Variants in CSMD1 observed in about 807,000 individuals in gnomAD.
CSMD1 encodes CUB and sushi domain-containing protein 1.
CSMD1 carries 213 observed loss-of-function variants against 417.5 expected under a neutral mutation model. The observed-to-expected ratio is 0.51, with a 90% CI of 0.46 to 0.57. The LOEUF (loss-of-function observed/expected upper bound fraction) is 0.57, where lower values mean the gene tolerates loss of function less well. CSMD1 is among the 20% of genes least tolerant of loss of function. The pLI is 0.00. For missense variants in CSMD1, 6,923 were observed against 4,529.7 expected, an observed-to-expected ratio of 1.53 and a Z score of -15.17; for synonymous variants, 2,862 against 1,736.8, an observed-to-expected ratio of 1.65 and a Z score of -16.11.
intron 4 of CSMD1, among the ~76,000 whole-genome samples, chr8:4,013,395 G>T (rs1369218899): frequency 6.6e-6 from 1 of 152,076 alleles, no homozygotes. Flanking sequence ...TTCTCGCAGG[G>T]CTCACTCTGT....
intron 1 of CSMD1, among the ~76,000 whole-genome samples, chr8:4,726,421 C>T (rs1426755419): frequency 6.6e-6 from 1 of 152,072 alleles, no homozygotes; most frequent in Non-Finnish European, 1.5e-5. Flanking sequence ...GTGTAGTTCA[C>T]AGAATTTGTT....
chr8:4,056,326 A>T (rs1052167316), intron 3 of CSMD1, among the ~76,000 whole-genome samples: 1 of 148,518 alleles, frequency 6.7e-6, no homozygotes, highest in Non-Finnish European at 1.5e-5. Context: ...TAGGTGATCC[A>T]CCCGCGTCAG....
intron 37 of CSMD1, among the ~76,000 whole-genome samples, chr8:3,172,806 G>C (rs952642746): frequency 6.6e-6 from 1 of 152,200 alleles, no homozygotes; most frequent in African/African-American, 2.4e-5. Context: ...GCAATTGTCA[G>C]TTTCCATTGA....
At chr8:4,979,945 G>A (rs1810786899) in intron 1 of CSMD1, among the ~76,000 whole-genome samples, 1 of 152,168 alleles carries the variant, frequency 6.6e-6, no homozygotes. Flanking sequence ...GGCTGAGGCA[G>A]GAGAATGGTG....
At chr8:3,789,267 C>T (rs1799601268) in intron 5 of CSMD1, among the ~76,000 whole-genome samples, 1 of 152,052 alleles carries the variant, frequency 6.6e-6, no homozygotes, top group African/African-American at 2.4e-5. Flanking sequence ...ACTTCCCAGC[C>T]TCCTGAACTG....
In CSMD1 at chr8:4,008,305, G is replaced by T. The variant is rs112331596; in HGVS notation, c.611-10195C>A. ...TTATTAAAACAAATATAGTTATTCT[G>T]TTCAATTTTTAGGTGATCTATTAAT... On this transcript the variant is annotated intron_variant, in intron 4 of 69. Coordinates refer to ENST00000635120, the MANE Select transcript of CSMD1 (RefSeq NM_033225.6). Among the ~76,000 whole-genome samples the T allele has an allele frequency of 4.4e-3, 675 of 152,026 alleles. 4 individuals are homozygous for T. Among genetic ancestry groups the T allele is most frequent in the African/African-American group, 0.015 (634 of 41,516 alleles).
chr8:3,980,711 G>C (rs969167381), intron 5 of CSMD1, among the ~76,000 whole-genome samples: 1 of 152,126 alleles, frequency 6.6e-6, no homozygotes, highest in South Asian at 2.1e-4. Flanking sequence ...AGAACGATGT[G>C]ACAAGAAGTA....
intron 3 of CSMD1, among the ~76,000 whole-genome samples, chr8:4,221,676 C>G (rs1461495958): frequency 1.3e-5 from 2 of 152,168 alleles, no homozygotes; most frequent in African/African-American, 2.4e-5. Flanking sequence ...AGAGGCACTG[C>G]CATTCCCACA....
chr8:3,541,921 G>T (rs972818511), intron 10 of CSMD1, among the ~76,000 whole-genome samples: 5 of 152,036 alleles, frequency 3.3e-5, no homozygotes, highest in Admixed American at 2.0e-4. Flanking sequence ...CATTAGCTGG[G>T]CGTGGTGGCT....
chr8:3,698,711 G>C (rs890153011), intron 7 of CSMD1, among the ~76,000 whole-genome samples: 11 of 152,330 alleles, frequency 7.2e-5, no homozygotes, highest in Admixed American at 4.6e-4. Flanking sequence ...GAAGCAAAAT[G>C]TGTTTCTCAC....
chr8:4,180,635 A>G (rs2131174026), intron 3 of CSMD1, among the ~76,000 whole-genome samples: 1 of 152,266 alleles, frequency 6.6e-6, no homozygotes, highest in African/African-American at 2.4e-5. Context: ...ACAAAACAAA[A>G]CAAAAGAAGT....
At chr8:4,329,656 C>G (rs939449688) in intron 3 of CSMD1, among the ~76,000 whole-genome samples, 9 of 152,096 alleles carry the variant, frequency 5.9e-5, no homozygotes, top group African/African-American at 2.2e-4. Context: ...TCGTTTGGAT[C>G]TGTATCCCCA....
At chr8:3,216,661 A>G (rs1797897894) in intron 29 of CSMD1, among the ~76,000 whole-genome samples, 1 of 152,136 alleles carries the variant, frequency 6.6e-6, no homozygotes, top group African/African-American at 2.4e-5. Context: ...TCACTGGCAC[A>G]TTTTTTGCTT....
intron 1 of CSMD1, among the ~76,000 whole-genome samples, chr8:4,860,410 TAA>T (rs1316002254): frequency 7.2e-6 from 1 of 138,676 alleles, no homozygotes. Flanking sequence ...TTAAAGTATA[TAA>T]AAAAAAAAAA....
intron 49 of CSMD1, among the ~76,000 whole-genome samples, chr8:3,060,995 A>C (rs1812555530): frequency 1.3e-5 from 2 of 152,234 alleles, no homozygotes; most frequent in African/African-American, 2.4e-5. Context: ...AACCATGATC[A>C]AATATGCACA....
At chr8:3,139,995 C>T (rs1038454778) in intron 41 of CSMD1, among the ~76,000 whole-genome samples, 6 of 151,206 alleles carry the variant, frequency 4.0e-5, no homozygotes, top group South Asian at 2.1e-4. Flanking sequence ...CTCCGCCTCC[C>T]GAGTTCAAGT....
At chr8:4,186,447 C>T (rs938481688) in intron 3 of CSMD1, among the ~76,000 whole-genome samples, 7 of 151,972 alleles carry the variant, frequency 4.6e-5, no homozygotes, top group African/African-American at 1.7e-4. Flanking sequence ...CCCAGGTTTC[C>T]ACCTTGTAAA....
chr8:2,994,944 T>C (rs1199333720), intron 54 of CSMD1, among the ~76,000 whole-genome samples: 1 of 152,158 alleles, frequency 6.6e-6, no homozygotes, highest in Admixed American at 6.5e-5. Flanking sequence ...GACTTTAAAA[T>C]ATATCAAATG....
chr8:4,132,123 G>C (rs186849657), intron 3 of CSMD1, among the ~76,000 whole-genome samples: 3 of 151,030 alleles, frequency 2.0e-5, no homozygotes, highest in Admixed American at 2.0e-4. Context: ...AGTCTGTCTT[G>C]ACAGTAAGAA....
Sources: gnomAD v4.1 joint callset for allele counts (sites outside exome capture counted in the v4.1 genomes callset) on GRCh38, gnomAD v4.1.1 for gene constraint, MANE v1.5 for transcripts, NCBI Gene and HGNC (gene_info 2026-07-23, HGNC 2026-07-21) for gene names.